Variants in OPHN1 observed in about 807,000 individuals in gnomAD.
OPHN1 encodes oligophrenin 1.
In OPHN1, 11 loss-of-function variants were observed where a neutral mutation model predicts 60.7. The observed-to-expected ratio is 0.18, with a 90% CI of 0.11 to 0.30. The LOEUF (loss-of-function observed/expected upper bound fraction) is 0.30, where lower values mean the gene tolerates loss of function less well. OPHN1 is among the 10% of genes least tolerant of loss of function. OPHN1 has a pLI of 1.00. For synonymous variants in OPHN1, 226 were observed against 222.6 expected, an observed-to-expected ratio of 1.02 and a Z score of -0.14; for missense variants, 449 against 611.0, an observed-to-expected ratio of 0.73 and a Z score of 2.80.
chrX:68,126,186 T>C (rs889039239), intron 15 of OPHN1, among the ~76,000 whole-genome samples: 1 of 108,721 alleles, frequency 9.2e-6, no homozygotes, highest in African/African-American at 3.3e-5. Context: ...CAAAATTCAA[T>C]ATCCCTTCAG....
chrX:68,137,608 C>T (rs976375537), intron 15 of OPHN1, among the ~76,000 whole-genome samples: 1 of 111,584 alleles, frequency 9.0e-6, no homozygotes, highest in African/African-American at 3.3e-5. Context: ...CTAGAACGGA[C>T]ATCTTGTAAA....
chrX:68,314,322 G>C (rs1018260876), intron 2 of OPHN1, among the ~76,000 whole-genome samples: 9 of 110,991 alleles, frequency 8.1e-5, no homozygotes, highest in Admixed American at 2.9e-4. Context: ...AGGAGTTCGA[G>C]ACCAGCCTGA....
intron 6 of OPHN1, among the ~76,000 whole-genome samples, chrX:68,219,566 T>C (rs1469214987): frequency 1.8e-5 from 2 of 110,000 alleles, no homozygotes; most frequent in Non-Finnish European, 3.8e-5. Context: ...AGAACAGAAA[T>C]TATAACAAAC....
chrX:68,378,792 ATC>A (rs1248488786), intron 2 of OPHN1, among the ~76,000 whole-genome samples: 4 of 111,122 alleles, frequency 3.6e-5, no homozygotes, highest in Non-Finnish European at 7.5e-5. Context: ...ATTGATCTAT[ATC>A]TCTGTTTTGG....
At chrX:68,249,247 TA>T (rs947165211) in intron 5 of OPHN1, among the ~76,000 whole-genome samples, 1 of 111,659 alleles carries the variant, frequency 9.0e-6, no homozygotes, top group East Asian at 2.8e-4. Context: ...AAATTAAAAA[TA>T]AAAAAATGGC....
At chrX:68,392,965 C>T (rs1189101092) in intron 2 of OPHN1, among the ~76,000 whole-genome samples, 1 of 111,453 alleles carries the variant, frequency 9.0e-6, no homozygotes, top group Admixed American at 9.5e-5. Context: ...GACAAGAGCT[C>T]GGGATACAGA....
At chrX:68,405,420 G>A (rs2078737549) in intron 2 of OPHN1, among the ~76,000 whole-genome samples, 1 of 111,638 alleles carries the variant, frequency 9.0e-6, no homozygotes, top group Non-Finnish European at 1.9e-5. Context: ...CAAACTTCTG[G>A]GCTCAAGTGA....
intron 5 of OPHN1, among the ~76,000 whole-genome samples, chrX:68,271,146 A>G (rs2077966554): frequency 9.0e-6 from 1 of 111,349 alleles, no homozygotes; most frequent in African/African-American, 3.3e-5. Flanking sequence ...TAATTGACAT[A>G]TAAGAAAACT....
At chrX:68,408,202 T>G (rs1402802385) in intron 2 of OPHN1, among the ~76,000 whole-genome samples, 1 of 112,616 alleles carries the variant, frequency 8.9e-6, no homozygotes, top group African/African-American at 3.2e-5. Flanking sequence ...TGCTCAGGTA[T>G]GTAGGACTAT....
intron 20 of OPHN1, among the ~76,000 whole-genome samples, chrX:68,072,152 T>A (rs1762804139): frequency 8.9e-6 from 1 of 111,940 alleles, no homozygotes; most frequent in Non-Finnish European, 1.9e-5. Context: ...TAGGAGCAGG[T>A]TAAGAAAGAG....
chrX:68,083,765 G>A (rs2076984327), intron 19 of OPHN1, among the ~76,000 whole-genome samples: 1 of 111,901 alleles, frequency 8.9e-6, no homozygotes, highest in Non-Finnish European at 1.9e-5. Context: ...TGCATACTTA[G>A]AGGCCTTTGT....
chrX:68,339,316 T>C (rs1320332670), intron 2 of OPHN1, among the ~76,000 whole-genome samples: 1 of 109,893 alleles, frequency 9.1e-6, no homozygotes, highest in East Asian at 2.9e-4. Flanking sequence ...TCATACTTAA[T>C]GGTGAAAGAC....
intron 2 of OPHN1, among the ~76,000 whole-genome samples, chrX:68,331,218 T>C (rs186734192): frequency 1.1e-4 from 12 of 106,755 alleles, no homozygotes; most frequent in Non-Finnish European, 2.3e-4. Context: ...TTATATCTTA[T>C]AATTATAATG....
intron 15 of OPHN1, among the ~76,000 whole-genome samples, chrX:68,124,618 T>C (rs1014895864): frequency 3.6e-5 from 4 of 111,015 alleles, no homozygotes; most frequent in African/African-American, 9.9e-5. Context: ...CCTCAGCACA[T>C]GGATCATTCT....
intron 18 of OPHN1, among the ~76,000 whole-genome samples, chrX:68,099,183 G>T (rs1280922548): frequency 9.0e-6 from 1 of 111,688 alleles, no homozygotes; most frequent in Non-Finnish European, 1.9e-5. Flanking sequence ...TGCATTTAGT[G>T]TCTCTCTTTT....
At chrX:68,230,826 A>G (rs1223436449) in intron 6 of OPHN1, among the ~76,000 whole-genome samples, 2 of 108,885 alleles carry the variant, frequency 1.8e-5, no homozygotes, top group Non-Finnish European at 1.9e-5. Context: ...TGATGAGTTA[A>G]TGGGTGCAGC....
chrX:68,208,370 A>C (rs1028664979), intron 9 of OPHN1, among the ~76,000 whole-genome samples: 6 of 111,910 alleles, frequency 5.4e-5, no homozygotes, highest in African/African-American at 1.9e-4. Context: ...GATTACAGGC[A>C]TGAGCCACTG....
At chrX:68,314,681 C>G (rs1602317794) in intron 2 of OPHN1, among the ~76,000 whole-genome samples, 1 of 105,121 alleles carries the variant, frequency 9.5e-6, no homozygotes, top group Non-Finnish European at 1.9e-5. Flanking sequence ...GAGAAAAACA[C>G]TACAAAAAAA....
chrX:68,400,036 T>TTCA (rs2078705748), intron 2 of OPHN1, among the ~76,000 whole-genome samples: 1 of 110,157 alleles, frequency 9.1e-6, no homozygotes, highest in Non-Finnish European at 1.9e-5. Context: ...GTAACTTCAC[T>TTCA]TCAGCCTCTG....
Sources: allele counts gnomAD v4.1 joint callset (sites outside exome capture counted in the v4.1 genomes callset), GRCh38; gene constraint gnomAD v4.1.1; transcripts MANE v1.5; gene names NCBI Gene and HGNC (gene_info 2026-07-23, HGNC 2026-07-21).